Variants in SYTL2 observed in about 807,000 individuals in gnomAD.
SYTL2 encodes the protein synaptotagmin like 2, also known as synaptotagmin-like protein 2.
A neutral mutation model predicts 198.7 loss-of-function variants in SYTL2; 165 were observed. The ratio of observed to expected loss-of-function variants is 0.83; its 90% CI spans 0.73 to 0.94. The LOEUF (loss-of-function observed/expected upper bound fraction) is 0.94. Ranked by LOEUF, SYTL2 falls within the 40% of genes least tolerant of loss-of-function variation. The pLI is 0.00. For synonymous variants in SYTL2, 966 were observed against 917.7 expected, an observed-to-expected ratio of 1.05 and a Z score of -0.95; for missense variants, 2,835 against 2,582.8, an observed-to-expected ratio of 1.10 and a Z score of -2.12.
At chr11:85,778,544 T>C (rs961283746) in intron 1 of SYTL2, among the ~76,000 whole-genome samples, 5 of 152,256 alleles carry the variant, frequency 3.3e-5, no homozygotes, top group Admixed American at 3.3e-4. Context: ...CATTCTGGCA[T>C]CTTGAGCAAC....
intron 1 of SYTL2, among the ~76,000 whole-genome samples, chr11:85,774,884 T>A (rs1468830824): frequency 6.6e-6 from 1 of 152,194 alleles, no homozygotes; most frequent in East Asian, 1.9e-4. Context: ...TGGGTTCTGG[T>A]CTTCGCTCTG....
In SYTL2 at chr11:85,725,475, T is replaced by C. The variant is rs771428690; in HGVS notation, c.3883A>G (p.Thr1295Ala). 1.9e-6 allele frequency: 3 copies of C among 1,614,112 alleles called. No homozygotes were observed. In the Admixed American group the frequency reaches 5.0e-5, roughly 27 times the overall value. Residue 1295 changes from threonine (T) to alanine (A), a missense_variant, in exon 8 of 20, where the codon ACA becomes GCA. Thr to Ala is a moderately conservative substitution (Grantham distance 58). This residue lies in a region of SYTL2 where 2,645 missense variants were observed against 2,381.7 expected (regional missense o/e 1.11). Transcript: ENST00000359152. ...GCAGCCATCTGAATCAAATTCTGTG[T>C]GCTTAGCTGGCACTCACCACTTTCA... ...KAESGECQLS[T>A]QNLIQMAAED...
chr11:85,786,217 A>G (rs2092633367), intron 1 of SYTL2, among the ~76,000 whole-genome samples: 1 of 152,156 alleles, frequency 6.6e-6, no homozygotes, highest in Non-Finnish European at 1.5e-5. Context: ...AGAAATGAAG[A>G]ACAGATTAGT....
At chr11:85,813,888 A>G (rs2093058437), upstream of SYTL2, among the ~76,000 whole-genome samples, 5 of 152,034 alleles carry the variant, frequency 3.3e-5, no homozygotes, top group Admixed American at 3.3e-4. Flanking sequence ...ACGCCCAGTT[A>G]ATTATTGTAT....
At chr11:85,764,102 C>T (rs1804050900) in intron 1 of SYTL2, among the ~76,000 whole-genome samples, 3 of 152,240 alleles carry the variant, frequency 2.0e-5, no homozygotes, top group South Asian at 2.1e-4. Flanking sequence ...AAGTTCTTCA[C>T]ATTGGCTACA....
At chr11:85,772,879 T>C (rs1400267312) in intron 1 of SYTL2, among the ~76,000 whole-genome samples, 1 of 152,216 alleles carries the variant, frequency 6.6e-6, no homozygotes, top group African/African-American at 2.4e-5. Context: ...CAAAGAGCAT[T>C]TCTTGCTAGT....
chr11:85,752,946 A>AAAAAAAC (rs2091623065), intron 2 of SYTL2, among the ~76,000 whole-genome samples: 1 of 139,592 alleles, frequency 7.2e-6, no homozygotes, highest in African/African-American at 3.0e-5. Flanking sequence ...AAAAAAAAAA[A>AAAAAAAC]AAAAACACAA....
In SYTL2 at chr11:85,733,594, G is replaced by GTT. The variant is rs11383912; in HGVS notation, c.1390+343_1390+344dup. The GTT allele has an allele frequency of 9.6e-4, 102 of 106,262 alleles. 1 individual carries two copies. Among genetic ancestry groups the GTT allele is most frequent in the East Asian group, 2.7e-3 (9 of 3,366 alleles). The allele number at this position is 106,262 out of a possible 1,614,324, so 6.6% of individuals were successfully genotyped here. ...CAAGCCCACCAAGTTTTTTTTTTTT[G>GTT]TTTTTTTTTTTTTTTTGAGACGGAG... On this transcript the variant is annotated intron_variant, in intron 7 of 19. Transcript: ENST00000359152.
intron 11 of SYTL2, among the ~76,000 whole-genome samples, 187 bp downstream of exon 11, chr11:85,717,296 T>C (rs1429843619): frequency 4.6e-5 from 7 of 152,168 alleles, no homozygotes; most frequent in African/African-American, 1.7e-4. Context: ...CCACAAATCA[T>C]TCTTTCAACA....
the SYTL2 span, chr11:85,854,558 G>C: frequency 6.6e-6 from 1 of 152,170 alleles, no homozygotes; most frequent in Non-Finnish European, 1.5e-5. Context: ...GCAGGAAGTT[G>C]CCCTGTAAGC....
At chr11:85,806,780 A>T (rs1198274801) in intron 1 of SYTL2, among the ~76,000 whole-genome samples, 1 of 152,242 alleles carries the variant, frequency 6.6e-6, no homozygotes, top group Non-Finnish European at 1.5e-5. Flanking sequence ...CCATGAATAG[A>T]AAACAACCCA....
At chr11:85,698,778 A>T (rs1045007477) in intron 17 of SYTL2, among the ~76,000 whole-genome samples, 1 of 152,192 alleles carries the variant, frequency 6.6e-6, no homozygotes, top group Non-Finnish European at 1.5e-5. Context: ...AGCTCAAGGG[A>T]TCCACCAGCC....
At chr11:85,738,134 T>A (rs2090501544) in intron 4 of SYTL2, among the ~76,000 whole-genome samples, 1 of 152,120 alleles carries the variant, frequency 6.6e-6, no homozygotes, top group South Asian at 2.1e-4. Flanking sequence ...CTTTTCCCCA[T>A]GAAGTAAGGA....
At chr11:85,752,864 A>G (rs1208048428) in intron 2 of SYTL2, among the ~76,000 whole-genome samples, 1 of 149,606 alleles carries the variant, frequency 6.7e-6, no homozygotes, top group Non-Finnish European at 1.5e-5. Context: ...CTTTGACAGA[A>G]AAACACCATG....
rs1477879342 is a variant in SYTL2 at position 85,781,972 on chromosome 11, T to C, written c.-389-23858A>G. 3.3e-5 allele frequency among the ~76,000 whole-genome samples: 5 copies of C among 152,214 alleles called. 1 individual carries two copies. Among genetic ancestry groups the C allele is most frequent in the Admixed American group, 3.3e-4 (5 of 15,284 alleles). ...ATCTACCATTCTGGGGTCTGGAGGA[T>C]AGTAGCCCTCTTCTCACAGCTCCAC... On this transcript the variant is annotated intron_variant, in intron 1 of 19. Coordinates refer to ENST00000359152, the MANE Select transcript of SYTL2 (RefSeq NM_206927.4).
the SYTL2 span, among the ~76,000 whole-genome samples, chr11:85,824,074 G>A: frequency 1.3e-5 from 2 of 152,192 alleles, no homozygotes; most frequent in East Asian, 1.9e-4. Flanking sequence ...GTCTGAGTGC[G>A]GGTGAGTGCA....
chr11:85,813,946 G>A (rs189737936), upstream of SYTL2, among the ~76,000 whole-genome samples: 2 of 152,244 alleles, frequency 1.3e-5, no homozygotes, highest in East Asian at 1.9e-4. Context: ...GAGCTGAAGC[G>A]ATCTGCCCGC....
intron 1 of SYTL2, among the ~76,000 whole-genome samples, chr11:85,789,804 T>G (rs2092704096): frequency 6.6e-6 from 1 of 152,066 alleles, no homozygotes; most frequent in Non-Finnish European, 1.5e-5. Context: ...CATTAAGCTG[T>G]AATATTATAT....
intron 3 of SYTL2, 85 bp downstream of exon 3, chr11:85,748,184 TCAG>T: frequency 1.4e-6 from 2 of 1,388,190 alleles, no homozygotes; most frequent in Admixed American, 3.9e-5. Context: ...ATGATTTCCA[TCAG>T]CAGATTTCTG....
Sources: gnomAD v4.1 joint callset for allele counts (sites outside exome capture counted in the v4.1 genomes callset) on GRCh38, gnomAD v4.1.1 for gene constraint, gnomAD v4.1.1 regional missense constraint, MANE v1.5 for transcripts, NCBI Gene and HGNC (gene_info 2026-07-23, HGNC 2026-07-21) for gene names.